Variants in SPATA17 observed in about 807,000 individuals in gnomAD.
SPATA17 encodes the protein spermatogenesis-associated protein 17.
SPATA17 carries 53 observed loss-of-function variants against 62.2 expected under a neutral mutation model. That is an observed-to-expected ratio of 0.85 (90% CI 0.68 to 1.07). The LOEUF (loss-of-function observed/expected upper bound fraction) is 1.07, where lower values mean the gene tolerates loss of function less well. SPATA17 is among the 50% of genes least tolerant of loss of function. The pLI is 0.00. For missense variants in SPATA17, 466 were observed against 425.5 expected, an observed-to-expected ratio of 1.10 and a Z score of -0.84; for synonymous variants, 146 against 146.8, an observed-to-expected ratio of 0.99 and a Z score of 0.04.
chr1:217,850,588 C>T, intron 9 of SPATA17: 2 of 1,596,588 alleles, frequency 1.3e-6, no homozygotes, highest in Non-Finnish European at 1.7e-6. Context: ...GGCTCCACTT[C>T]AAGGGTGATG....
At chr1:217,726,176 T>C (rs1672253136) in intron 5 of SPATA17, among the ~76,000 whole-genome samples, 2 of 152,162 alleles carry the variant, frequency 1.3e-5, no homozygotes, top group African/African-American at 4.8e-5. Flanking sequence ...AAGAATAAAT[T>C]GGAGAAATGG....
chr1:217,778,206 A>C (rs1312902258), intron 7 of SPATA17, among the ~76,000 whole-genome samples: 1 of 152,168 alleles, frequency 6.6e-6, no homozygotes, highest in East Asian at 1.9e-4. Flanking sequence ...TTGCATATTT[A>C]AATTTTTAAT....
At chr1:217,858,531 C>T (rs939030097) in intron 9 of SPATA17, among the ~76,000 whole-genome samples, 11 of 152,112 alleles carry the variant, frequency 7.2e-5, no homozygotes, top group Non-Finnish European at 1.6e-4. Context: ...ATCATTTCTT[C>T]CTTATTGGGT....
intron 6 of SPATA17, among the ~76,000 whole-genome samples, chr1:217,760,624 G>C (rs921659424): frequency 1.3e-5 from 2 of 152,082 alleles, no homozygotes; most frequent in Non-Finnish European, 2.9e-5. Flanking sequence ...TTCAAAGACT[G>C]GTGGGAAATC....
At chr1:217,709,639 T>C (rs1671813050) in intron 5 of SPATA17, among the ~76,000 whole-genome samples, 1 of 152,084 alleles carries the variant, frequency 6.6e-6, no homozygotes, top group African/African-American at 2.4e-5. Flanking sequence ...AATTGGCCCC[T>C]CCCACACTCA....
chr1:217,632,704 G>T (rs2102871176), intron 1 of SPATA17, among the ~76,000 whole-genome samples: 1 of 152,228 alleles, frequency 6.6e-6, no homozygotes, highest in African/African-American at 2.4e-5. Flanking sequence ...CACAATAATT[G>T]TTGAAGACTC....
At chr1:217,782,134 AT>A (rs1251258777) in intron 7 of SPATA17, 39 bp from the exon 8 acceptor site, 7 of 1,524,348 alleles carry the variant, frequency 4.6e-6, no homozygotes, top group East Asian at 2.3e-5. Flanking sequence ...CCTCAAAAAA[AT>A]CTTCCATATA....
intron 3 of SPATA17, among the ~76,000 whole-genome samples, chr1:217,658,574 T>C (rs545225371): frequency 3.9e-5 from 6 of 152,026 alleles, no homozygotes; most frequent in East Asian, 1.9e-4. Context: ...CTGGTTAACA[T>C]GGTGATAGCC....
chr1:217,720,422 T>C lies in SPATA17; in HGVS notation c.396-21553T>C, dbSNP rs1240223697. On this transcript the variant is annotated intron_variant, in intron 5 of 10. Transcript: ENST00000366933. ...GGCAATATGACTTCATTTTGAGCAA[T>C]GAGATCTGCTAGTTCTTCTTCCATT... Among the ~76,000 whole-genome samples, 4 of 152,194 alleles carry C rather than the reference T, an allele frequency of 2.6e-5. 1 individual carries two copies. Among genetic ancestry groups the C allele is most frequent in the Non-Finnish European group, 5.9e-5 (4 of 68,038 alleles).
intron 9 of SPATA17, among the ~76,000 whole-genome samples, chr1:217,857,155 G>C (rs1267496840): frequency 6.6e-6 from 1 of 152,042 alleles, no homozygotes; most frequent in Non-Finnish European, 1.5e-5. Context: ...TGTCTCCTAT[G>C]GTGTAACAGC....
At chr1:217,665,795 C>A (rs1670681438) in intron 3 of SPATA17, among the ~76,000 whole-genome samples, 1 of 152,088 alleles carries the variant, frequency 6.6e-6, no homozygotes, top group Non-Finnish European at 1.5e-5. Context: ...GGATATCAAC[C>A]AGTCAGAAAA....
intron 9 of SPATA17, among the ~76,000 whole-genome samples, chr1:217,817,325 A>AT (rs1438554944): frequency 6.6e-6 from 1 of 152,026 alleles, no homozygotes; most frequent in Non-Finnish European, 1.5e-5. Flanking sequence ...AGTTTCCCCC[A>AT]TGCTATTCTC....
chr1:217,650,034 G>A (rs1424052090), intron 2 of SPATA17, among the ~76,000 whole-genome samples: 1 of 149,008 alleles, frequency 6.7e-6, no homozygotes, highest in Non-Finnish European at 1.5e-5. Context: ...CCGCCTCCCA[G>A]ATTCAAGCGA....
At chr1:217,813,722 C>G (rs753218608) in intron 9 of SPATA17, among the ~76,000 whole-genome samples, 20 of 151,880 alleles carry the variant, frequency 1.3e-4, no homozygotes, top group Non-Finnish European at 1.2e-4. Flanking sequence ...TCTGATTACC[C>G]TTGTCTAGTC....
At chr1:217,800,399 G>A (rs1407836239) in intron 8 of SPATA17, among the ~76,000 whole-genome samples, 1 of 152,154 alleles carries the variant, frequency 6.6e-6, no homozygotes. Flanking sequence ...CAGGGAAAGA[G>A]TTCAATGGCC....
At chr1:217,729,025 G>A (rs900089486) in intron 5 of SPATA17, among the ~76,000 whole-genome samples, 6 of 152,152 alleles carry the variant, frequency 3.9e-5, no homozygotes, top group Admixed American at 3.9e-4. Context: ...TGTCAGGAAG[G>A]CACTTTTAGT....
In SPATA17 at chr1:217,833,883, C is replaced by T. The variant is rs138603220; in HGVS notation, c.1006-28891C>T. On this transcript the variant is annotated intron_variant, in intron 9 of 10. Transcript: ENST00000366933. ...ATTTTGTACAACAATGCATTTATCTCTAACATTAATTTGATTTCAGTGTTT... is the reference window on the plus strand; with the variant it reads ...ATTTTGTACAACAATGCATTTATCTTTAACATTAATTTGATTTCAGTGTTT... 2.9e-3 allele frequency among the ~76,000 whole-genome samples: 447 copies of T among 152,216 alleles called. 5 individuals are homozygous for T. The highest frequency in any genetic ancestry group is 0.01 in the African/African-American group (429 of 41,558).
At chr1:217,732,157 G>T (rs943060570) in intron 5 of SPATA17, among the ~76,000 whole-genome samples, 2 of 151,598 alleles carry the variant, frequency 1.3e-5, no homozygotes, top group African/African-American at 4.8e-5. Flanking sequence ...AAATGGGATG[G>T]CATTCCCTGT....
chr1:217,701,091 T>C (rs1409421709), intron 5 of SPATA17, among the ~76,000 whole-genome samples: 2 of 151,190 alleles, frequency 1.3e-5, no homozygotes, highest in Non-Finnish European at 2.9e-5. Flanking sequence ...TCTTGTGTCT[T>C]AGCCTGCCGA....
Sources: allele counts gnomAD v4.1 joint callset (sites outside exome capture counted in the v4.1 genomes callset), GRCh38; gene constraint gnomAD v4.1.1; transcripts MANE v1.5; gene names NCBI Gene and HGNC (gene_info 2026-07-23, HGNC 2026-07-21).